TTC28: variants seen among roughly 807,000 people sequenced by gnomAD.
The protein encoded by TTC28 is tetratricopeptide repeat protein 28.
TTC28 carries 61 observed loss-of-function variants against 198.0 expected under a neutral mutation model. The ratio of observed to expected loss-of-function variants is 0.31; its 90% confidence interval spans 0.25 to 0.38. The LOEUF (loss-of-function observed/expected upper bound fraction) is 0.38, where lower values mean the gene tolerates loss of function less well. TTC28 is among the 10% of genes least tolerant of loss of function. The pLI is 1.00. For missense variants in TTC28, 2,678 were observed against 3,164.0 expected (o/e 0.85, Z 3.69); for synonymous variants, 1,171 against 1,297.8 (o/e 0.90, Z 2.10).
chr22:28,543,995 T>G (rs1216809114), intron 2 of TTC28, among the ~76,000 whole-genome samples: 1 of 152,076 alleles, frequency 6.6e-6, no homozygotes, highest in African/African-American at 2.4e-5. Flanking sequence ...CCAAGGTGGG[T>G]GGATCACCTG....
chr22:28,469,376 A>C (rs2048069252), intron 2 of TTC28, among the ~76,000 whole-genome samples: 1 of 152,204 alleles, frequency 6.6e-6, no homozygotes, highest in South Asian at 2.1e-4. Context: ...GGTAAACTAA[A>C]TAACAGCCCC....
In TTC28 at chr22:28,081,493, A is replaced by ATTT. The variant is rs35534789; in HGVS notation, c.3932+12584_3932+12586dup. Among the ~76,000 whole-genome samples, 194 of 125,552 alleles carry ATTT rather than the reference A, an allele frequency of 1.5e-3. 3 individuals carry two copies. The East Asian group carries it at 0.024, about 16-fold the overall frequency. The allele number at this position is 125,552 out of a possible 152,430, so 82.4% of individuals were successfully genotyped here. A position where few individuals can be genotyped will look rare whatever the true frequency, so the allele number is the denominator to read the frequency against. On this transcript the variant is annotated intron_variant, in intron 12 of 22. Coordinates refer to ENST00000397906, the MANE Select transcript of TTC28 (RefSeq NM_001145418.2). ...ATTTCTGTAAAAGTATGCCACCAGGATTTTTTTTTTTTTTTTTTAGGTGGA... is the reference window on the plus strand; with the variant it reads ...ATTTCTGTAAAAGTATGCCACCAGGATTTTTTTTTTTTTTTTTTTTTAGGTGGA...
At chr22:28,357,315 ATTTTTTTTT>A (rs11415868) in intron 2 of TTC28, among the ~76,000 whole-genome samples, 2 of 113,476 alleles carry the variant, frequency 1.8e-5, no homozygotes, top group South Asian at 3.0e-4. Flanking sequence ...CAAATTTCTT[ATTTTTTTTT>A]TTTTTTTTTT....
At chr22:28,060,928 G>A (rs1159039020) in intron 12 of TTC28, among the ~76,000 whole-genome samples, 1 of 152,174 alleles carries the variant, frequency 6.6e-6, no homozygotes, top group Non-Finnish European at 1.5e-5. Flanking sequence ...GGTGTGAGAT[G>A]GTATCTCATT....
At chr22:28,011,739 C>G (rs928808693) in intron 14 of TTC28, among the ~76,000 whole-genome samples, 50 of 151,864 alleles carry the variant, frequency 3.3e-4, no homozygotes, top group Non-Finnish European at 5.9e-5. Context: ...TGAAGGGATC[C>G]AGGAAGGTAA....
chr22:28,084,134 G>A (rs1326447144), intron 12 of TTC28, among the ~76,000 whole-genome samples: 1 of 152,204 alleles, frequency 6.6e-6, no homozygotes, highest in Non-Finnish European at 1.5e-5. Context: ...AGTCTTAAAT[G>A]TCCCGGTCTG....
chr22:28,456,668 A>G (rs2047864981), intron 2 of TTC28, among the ~76,000 whole-genome samples: 1 of 152,144 alleles, frequency 6.6e-6, no homozygotes, highest in Non-Finnish European at 1.5e-5. Flanking sequence ...CTCCACCCCC[A>G]GGATTCAAGC....
chr22:28,676,148 G>A (rs1164250471), intron 1 of TTC28, among the ~76,000 whole-genome samples: 2 of 152,118 alleles, frequency 1.3e-5, no homozygotes, highest in African/African-American at 4.8e-5. Context: ...ATAAAATATG[G>A]TATATCCATT....
At chr22:28,210,753 G>A (rs1484345991) in intron 5 of TTC28, among the ~76,000 whole-genome samples, 1 of 152,102 alleles carries the variant, frequency 6.6e-6, no homozygotes, top group Non-Finnish European at 1.5e-5. Flanking sequence ...AACCTAGCAA[G>A]GCAGGCCAAC....
intron 5 of TTC28, among the ~76,000 whole-genome samples, chr22:28,256,486 G>C (rs1930928754): frequency 6.6e-6 from 1 of 150,522 alleles, no homozygotes; most frequent in Non-Finnish European, 1.5e-5. Context: ...AAGAGAAAGA[G>C]ATTAATGTAA....
chr22:28,212,592 C>A (rs1019169923), intron 5 of TTC28, among the ~76,000 whole-genome samples: 6 of 105,170 alleles, frequency 5.7e-5, no homozygotes, highest in African/African-American at 2.0e-4. Flanking sequence ...GAAGTTGAAT[C>A]CCTGAATAGA....
intron 5 of TTC28, among the ~76,000 whole-genome samples, chr22:28,185,614 C>A (rs1052982044): frequency 9.9e-5 from 15 of 151,778 alleles, no homozygotes; most frequent in Non-Finnish European, 1.5e-4. Flanking sequence ...ATATGTACCA[C>A]AAATAAAGGA....
At chr22:28,543,530 GAAGA>G (rs904910996) in intron 2 of TTC28, among the ~76,000 whole-genome samples, 3 of 151,496 alleles carry the variant, frequency 2.0e-5, no homozygotes, top group East Asian at 1.9e-4. Context: ...AGAAAGAAAA[GAAGA>G]GAGAGAGAGA....
chr22:28,032,266 T>TAA (rs1939159779), intron 12 of TTC28, among the ~76,000 whole-genome samples: 5 of 69,026 alleles, frequency 7.2e-5, no homozygotes, highest in African/African-American at 2.9e-4. Context: ...TATATATATA[T>TAA]AGTGTGTGTG....
chr22:28,262,739 T>C (rs1386603935), intron 5 of TTC28, among the ~76,000 whole-genome samples: 1 of 152,184 alleles, frequency 6.6e-6, no homozygotes, highest in Non-Finnish European at 1.5e-5. Context: ...GACTCTCTCA[T>C]TTATTACATA....
intron 1 of TTC28, among the ~76,000 whole-genome samples, chr22:28,653,190 C>T (rs1413226627): frequency 1.3e-5 from 2 of 152,048 alleles, no homozygotes; most frequent in Non-Finnish European, 2.9e-5. Context: ...AGGTCTACTC[C>T]CAGGAGGAAG....
At chr22:28,086,033 A>T (rs889324905) in intron 12 of TTC28, among the ~76,000 whole-genome samples, 2 of 152,158 alleles carry the variant, frequency 1.3e-5, no homozygotes, top group Non-Finnish European at 2.9e-5. Flanking sequence ...GTGACCTACA[A>T]AGAGACTTAG....
chr22:28,537,301 A>ATAACATAACATAACATAACATAACATAAC lies in TTC28; in HGVS notation c.381+92250_381+92251insGTTATGTTATGTTATGTTATGTTATGTTA, dbSNP rs1569009000. On this transcript the variant is annotated intron_variant, in intron 2 of 22. Transcript: ENST00000397906. ...GAGCCAGACTCCGTCTCAAAAATAA[A>ATAACATAACATAACATAACATAACATAAC]ATAAAATAAAATAAAATAAAATAAA... is the stretch of plus-strand genomic sequence containing the variant. Among the ~76,000 whole-genome samples the ATAACATAACATAACATAACATAACATAAC allele has an allele frequency of 2.4e-3, 292 of 124,140 alleles. 9 individuals are homozygous for ATAACATAACATAACATAACATAACATAAC. The highest frequency in any genetic ancestry group is 3.7e-3 in the Admixed American group (46 of 12,482). 81.4% of individuals were successfully genotyped at this position (124,140 alleles called of 152,430 possible).
intron 6 of TTC28, among the ~76,000 whole-genome samples, chr22:28,160,217 G>T (rs1203650608): frequency 2.0e-5 from 3 of 152,138 alleles, no homozygotes; most frequent in African/African-American, 7.2e-5. Flanking sequence ...AGTGTAATTG[G>T]ATTGTTTGTA....
Sources: allele counts gnomAD v4.1 joint callset (sites outside exome capture counted in the v4.1 genomes callset), GRCh38; gene constraint gnomAD v4.1.1; transcripts MANE v1.5; gene names NCBI Gene and HGNC (gene_info 2026-07-23, HGNC 2026-07-21).